Variants in GAS6 observed in about 807,000 individuals in gnomAD.
GAS6 encodes the protein growth arrest specific 6.
In GAS6, 41 loss-of-function variants were observed where a neutral mutation model predicts 75.8. The ratio of observed to expected loss-of-function variants is 0.54; its 90% CI spans 0.42 to 0.70. The LOEUF (loss-of-function observed/expected upper bound fraction) is 0.70, where lower values mean the gene tolerates loss of function less well. Among genes scored for constraint, GAS6 ranks in the 30% least tolerant of loss-of-function variants. GAS6 has a pLI of 0.00. For synonymous variants in GAS6, 432 were observed against 412.6 expected (o/e 1.05, Z -0.57); for missense variants, 854 against 940.2 (o/e 0.91, Z 1.20).
At chr13:113,859,451 T>C (rs1032439349) in intron 2 of GAS6, among the ~76,000 whole-genome samples, 7 of 152,030 alleles carry the variant, frequency 4.6e-5, no homozygotes, top group Non-Finnish European at 8.8e-5. Context: ...TGTGTGACTG[T>C]GTGTACGTAT....
intron 12 of GAS6, among the ~76,000 whole-genome samples, chr13:113,825,212 C>A (rs1397702428): frequency 2.0e-5 from 2 of 99,482 alleles, no homozygotes; most frequent in Non-Finnish European, 3.7e-5. Flanking sequence ...CCAGTGTGGG[C>A]AACAAAGGCG....
intron 2 of GAS6, among the ~76,000 whole-genome samples, chr13:113,862,743 G>A (rs1397055073): frequency 6.6e-6 from 1 of 152,178 alleles, no homozygotes; most frequent in African/African-American, 2.4e-5. Context: ...CTTTCATCCC[G>A]GGTGACATTT....
chr13:113,820,772 C>G lies in GAS6; in HGVS notation c.*92G>C, dbSNP rs899938116. 1.6e-5 allele frequency: 22 copies of G among 1,386,590 alleles called. No homozygotes were observed. The East Asian group carries it at 5.5e-4, about 34-fold the overall frequency. 85.9% of individuals were successfully genotyped at this position (1,386,590 alleles called of 1,614,324 possible). A position where few individuals can be genotyped will look rare whatever the true frequency, so the allele number is the denominator to read the frequency against. ...GGGATGGTCACAGAGGAAAGCCCAG[C>G]TCTCAGCATGGCCCCACGTGGTGAG... On this transcript the variant is annotated 3_prime_UTR_variant, in exon 15 of 15. Coordinates refer to ENST00000327773, the MANE Select transcript of GAS6 (RefSeq NM_000820.4).
intron 4 of GAS6, among the ~76,000 whole-genome samples, chr13:113,846,006 A>G (rs2051830840): frequency 6.6e-6 from 1 of 152,250 alleles, no homozygotes; most frequent in African/African-American, 2.4e-5. Flanking sequence ...TTTTGTTTAA[A>G]TGATGGAAAT....
chr13:113,827,217 CG>C, intron 11 of GAS6, 53 bp from the exon 12 acceptor site: 1 of 1,582,746 alleles, frequency 6.3e-7, no homozygotes, highest in Non-Finnish European at 8.6e-7. Flanking sequence ...AGCCCCATGC[CG>C]GATGCCCCAG....
intron 4 of GAS6, 118 bp from the exon 5 acceptor site, chr13:113,839,968 G>A: frequency 2.0e-6 from 3 of 1,492,532 alleles, no homozygotes; most frequent in Non-Finnish European, 2.8e-6. Flanking sequence ...GCTCTGAGGG[G>A]CGCAGGCTGA....
At chr13:113,843,252 C>T (rs187015661) in intron 4 of GAS6, 7 of 177,962 alleles carry the variant, frequency 3.9e-5, no homozygotes, top group Admixed American at 6.2e-5. Context: ...ATGCCCTGGG[C>T]GCCAGCGCCT....
intron 2 of GAS6, among the ~76,000 whole-genome samples, chr13:113,858,868 T>C (rs924614687): frequency 1.5e-5 from 2 of 133,436 alleles, no homozygotes; most frequent in Non-Finnish European, 3.1e-5. Flanking sequence ...TATGCATGTG[T>C]GTACATGACT....
rs1244492533 is a variant in GAS6 at position 113,848,895 on chromosome 13, T to A, written c.256-845A>T. ...ACCCGGCTTCAGGATGGTTGTGGGA[T>A]TCACCTGGGGGCATGAAGGTCAGGA... On this transcript the variant is annotated intron_variant, in intron 2 of 14. Transcript: ENST00000327773. This position sits in a 1 kb window ranked among gnomAD's most constrained non-coding sequence, Gnocchi z 4.8. Among the ~76,000 whole-genome samples, 1 of 152,214 alleles carries A rather than the reference T, an allele frequency of 6.6e-6. No individual in the cohort carries two copies. The highest frequency in any genetic ancestry group is 1.5e-5 in the Non-Finnish European group (1 of 68,036).
At chr13:113,839,421 G>A (rs2051752210) in intron 5 of GAS6, 1 of 294,946 alleles carries the variant, frequency 3.4e-6, no homozygotes, top group Non-Finnish European at 6.2e-6. Flanking sequence ...CAATCAGTGG[G>A]TGCCACTGAC....
intron 3 of GAS6, among the ~76,000 whole-genome samples, chr13:113,847,493 C>T (rs2138656028): frequency 6.6e-6 from 1 of 152,344 alleles, no homozygotes; most frequent in East Asian, 1.9e-4. Flanking sequence ...TGCTGTCCTC[C>T]CTTCCCAAGT....
chr13:113,822,392 C>T lies in GAS6; in HGVS notation c.1654-206G>A, dbSNP rs11840883. The T allele has an allele frequency of 9.8e-4, 473 of 481,018 alleles. 3 individuals are homozygous for T. Among genetic ancestry groups the T allele is most frequent in the African/African-American group, 7.8e-3 (397 of 50,786 alleles). The allele number at this position is 481,018 out of a possible 1,614,324, so 29.8% of individuals were successfully genotyped here. ...GGCTCAGCTTCTCTGCACGTAAAGC[C>T]AGGGGCCAGCCTGGGAGGCTGTGGG... is the stretch of plus-strand genomic sequence containing the variant. On this transcript the variant is annotated intron_variant, in intron 13 of 14. Transcript: ENST00000327773.
At chr13:113,843,109 G>A (rs1034992280) in intron 4 of GAS6, 6 of 355,596 alleles carry the variant, frequency 1.7e-5, no homozygotes, top group Non-Finnish European at 1.5e-5. Flanking sequence ...CAGGGAAAGC[G>A]ATGGAGACAG....
intron 13 of GAS6, 190 bp downstream of exon 13, chr13:113,823,185 C>T: frequency 3.4e-6 from 2 of 585,160 alleles, no homozygotes; most frequent in Non-Finnish European, 5.8e-6. Context: ...TGGCGGTGAC[C>T]TGGTGTCCAA....
At position 113,837,893 on chromosome 13, in the gene GAS6, C is replaced by T. The variant is rs1003876788; in HGVS notation, c.589+176G>A. ...CGGGTGAGTCATCCTGGTGTGGTGC[C>T]GAGCAGCTCCCTGTGCTGCGGCTGG... On this transcript the variant is annotated intron_variant, in intron 6 of 14. Transcript: ENST00000327773. The surrounding 1 kb of genome is among the most constrained non-coding windows in gnomAD (Gnocchi z 5.1). Among the ~76,000 whole-genome samples the T allele has an allele frequency of 6.6e-6, 1 of 152,134 alleles. No individual in the cohort carries two copies. The highest frequency in any genetic ancestry group is 1.5e-5 in the Non-Finnish European group (1 of 68,010).
chr13:113,831,350 G>A (rs962825948), intron 10 of GAS6, among the ~76,000 whole-genome samples: 1 of 152,162 alleles, frequency 6.6e-6, no homozygotes, highest in Non-Finnish European at 1.5e-5. Context: ...AGGGACCGCA[G>A]CGTCCACGCC....
chr13:113,847,456 AC>A (rs138059512), intron 3 of GAS6, among the ~76,000 whole-genome samples: 4,692 of 152,246 alleles, frequency 0.031, 254 homozygotes, highest in African/African-American at 0.11. Flanking sequence ...AAACGGGCTG[AC>A]CCGGGGTCTC....
chr13:113,834,824 C>A (rs546929755), intron 7 of GAS6, 152 bp from the exon 8 acceptor site: 38 of 790,598 alleles, frequency 4.8e-5, no homozygotes, highest in African/African-American at 3.5e-4. Context: ...CGCGTCCCCC[C>A]CCACTGGAAA....
rs1236355897 is a variant in GAS6, at chr13:113,848,632, T to C, written c.256-582A>G. On this transcript the variant is annotated intron_variant, in intron 2 of 14. Transcript: ENST00000327773. The surrounding 1 kb of genome is among the most constrained non-coding windows in gnomAD (Gnocchi z 4.8). ...AAACTTCTTCAGGATCCTTTTGCCA[T>C]GGCCCACAGATTCTAGGGCCACAGC... is the stretch of plus-strand genomic sequence containing the variant. Among the ~76,000 whole-genome samples, 1 of 152,144 alleles carries C rather than the reference T, an allele frequency of 6.6e-6. No homozygotes were observed. Among genetic ancestry groups the C allele is most frequent in the Admixed American group, 6.5e-5 (1 of 15,278 alleles).
Sources: allele counts gnomAD v4.1 joint callset (sites outside exome capture counted in the v4.1 genomes callset), GRCh38; gene constraint gnomAD v4.1.1; non-coding constraint Gnocchi (gnomAD v3.1); transcripts MANE v1.5; gene names NCBI Gene and HGNC (gene_info 2026-07-23, HGNC 2026-07-21).